SERGEF: variants seen among roughly 807,000 people sequenced by gnomAD.
SERGEF encodes secretion regulating guanine nucleotide exchange factor, also known as secretion-regulating guanine nucleotide exchange factor.
Under a neutral mutation model 50.0 loss-of-function variants are expected in SERGEF, and 51 were observed. The ratio of observed to expected loss-of-function variants is 1.02; its 90% CI spans 0.81 to 1.29. The LOEUF is 1.29. SERGEF is among the 50% of genes most tolerant of loss of function. The pLI, the probability that SERGEF is intolerant of heterozygous loss-of-function variation, is 0.00. For synonymous variants in SERGEF, 205 were observed against 212.4 expected (o/e 0.97, Z 0.30); for missense variants, 521 against 557.0 (o/e 0.94, Z 0.65).
At chr11:17,938,997 G>C (rs1390644684) in intron 9 of SERGEF, among the ~76,000 whole-genome samples, 1 of 152,188 alleles carries the variant, frequency 6.6e-6, no homozygotes, top group African/African-American at 2.4e-5. Context: ...TTATAGGATA[G>C]AGCATAATAA....
chr11:17,826,033 T>C (rs1013062374), intron 10 of SERGEF, among the ~76,000 whole-genome samples: 2 of 152,180 alleles, frequency 1.3e-5, no homozygotes, highest in Non-Finnish European at 2.9e-5. Context: ...ATGAAAATGG[T>C]GTCTACCTAT....
intron 9 of SERGEF, among the ~76,000 whole-genome samples, chr11:17,880,850 A>G (rs111335353): frequency 1.8e-4 from 27 of 152,294 alleles, no homozygotes; most frequent in African/African-American, 6.3e-4. Flanking sequence ...TTTTTCTACT[A>G]TTCTCTATTT....
In SERGEF at chr11:17,878,245, C is replaced by T. The variant is rs1162748380; in HGVS notation, c.1012-1G>A. ...AATTATGCTCTGAGCCACAAGAGACCTGTAAAAAAAAAAAAAGACAAAGAA... is the reference window on the plus strand; with the variant it reads ...AATTATGCTCTGAGCCACAAGAGACTTGTAAAAAAAAAAAAAGACAAAGAA... On this transcript the variant is annotated splice_acceptor_variant, in intron 9 of 10. Transcript: ENST00000265965. LOFTEE classifies it high-confidence loss of function. The T allele has an allele frequency of 6.4e-7, 1 of 1,553,516 alleles. No individual in the cohort carries two copies.
At chr11:18,001,065 C>G (rs1853949965) in intron 4 of SERGEF, among the ~76,000 whole-genome samples, 1 of 152,218 alleles carries the variant, frequency 6.6e-6, no homozygotes, top group Non-Finnish European at 1.5e-5. Flanking sequence ...TGCCAAACAC[C>G]TACCCCCAGT....
chr11:17,903,960 C>T (rs765244342), intron 9 of SERGEF, among the ~76,000 whole-genome samples: 7 of 152,224 alleles, frequency 4.6e-5, no homozygotes, highest in Non-Finnish European at 7.3e-5. Context: ...TCACCTTGGC[C>T]GTGTAGGCCT....
chr11:17,938,057 C>G (rs1189794848), intron 9 of SERGEF, among the ~76,000 whole-genome samples: 1 of 152,202 alleles, frequency 6.6e-6, no homozygotes, highest in African/African-American at 2.4e-5. Context: ...CCATTACCAG[C>G]TTCTAACACC....
At chr11:17,885,353 G>T (rs1242193814) in intron 9 of SERGEF, among the ~76,000 whole-genome samples, 1 of 152,120 alleles carries the variant, frequency 6.6e-6, no homozygotes, top group African/African-American at 2.4e-5. Flanking sequence ...ACAGGGTCTT[G>T]CTCTATTGCC....
chr11:17,983,350 A>G (rs1590232766), intron 8 of SERGEF, among the ~76,000 whole-genome samples: 1 of 152,348 alleles, frequency 6.6e-6, no homozygotes, highest in East Asian at 1.9e-4. Context: ...TTCTGAATCA[A>G]CTTGTCACCC....
chr11:17,951,609 T>C (rs78828024), intron 9 of SERGEF, among the ~76,000 whole-genome samples: 2,742 of 152,264 alleles, frequency 0.018, 81 homozygotes, highest in African/African-American at 0.062. Flanking sequence ...AAGTCTCCAT[T>C]AGACCTGACT....
chr11:17,965,845 G>C (rs1853110217), intron 8 of SERGEF, among the ~76,000 whole-genome samples: 3 of 152,182 alleles, frequency 2.0e-5, no homozygotes, highest in South Asian at 2.1e-4. Context: ...CCATAATCTT[G>C]AGCAAACTAC....
At chr11:17,985,927 T>C (rs1375106517) in intron 8 of SERGEF, among the ~76,000 whole-genome samples, 2 of 152,212 alleles carry the variant, frequency 1.3e-5, no homozygotes, top group African/African-American at 2.4e-5. Context: ...CCTTGCATTG[T>C]AGGATGTTCA....
intron 9 of SERGEF, among the ~76,000 whole-genome samples, chr11:17,925,443 A>G (rs1375991285): frequency 6.6e-6 from 1 of 152,206 alleles, no homozygotes; most frequent in Non-Finnish European, 1.5e-5. Context: ...GAGAAGAAGA[A>G]AAGAAGGGTG....
chr11:17,911,845 T>TCC (rs1851960308), intron 9 of SERGEF, among the ~76,000 whole-genome samples: 1 of 152,068 alleles, frequency 6.6e-6, no homozygotes, highest in Admixed American at 6.6e-5. Flanking sequence ...CACCAAAAAG[T>TCC]CCCCTCGTAC....
intron 8 of SERGEF, among the ~76,000 whole-genome samples, chr11:17,963,060 T>C (rs976107067): frequency 2.0e-5 from 3 of 151,164 alleles, no homozygotes; most frequent in African/African-American, 7.3e-5. Context: ...CCCACGACCG[T>C]AGTCCCAGCT....
intron 9 of SERGEF, among the ~76,000 whole-genome samples, chr11:17,949,141 C>T (rs2133962558): frequency 6.6e-6 from 1 of 152,132 alleles, no homozygotes; most frequent in East Asian, 1.9e-4. Flanking sequence ...TTTTGCTTCC[C>T]TGAAAGTGAC....
intron 8 of SERGEF, among the ~76,000 whole-genome samples, chr11:17,985,107 G>A (rs1853567082): frequency 6.6e-6 from 1 of 152,176 alleles, no homozygotes. Flanking sequence ...GTTTGATATT[G>A]AGTATGGCAT....
intron 9 of SERGEF, among the ~76,000 whole-genome samples, chr11:17,929,028 T>C (rs921161853): frequency 1.3e-5 from 2 of 152,246 alleles, no homozygotes; most frequent in African/African-American, 2.4e-5. Context: ...TATAGAATTC[T>C]ATTTCTCTAT....
intron 5 of SERGEF, among the ~76,000 whole-genome samples, chr11:17,997,669 T>G (rs1853866243): frequency 6.6e-6 from 1 of 152,164 alleles, no homozygotes; most frequent in East Asian, 1.9e-4. Context: ...ACGTGATATA[T>G]CCATACAATG....
chr11:17,789,012 T>A (rs921944171), intron 10 of SERGEF, among the ~76,000 whole-genome samples: 1 of 152,226 alleles, frequency 6.6e-6, no homozygotes, highest in Non-Finnish European at 1.5e-5. Flanking sequence ...GGCTCCTAAC[T>A]ATCTTGGTGT....
Sources: gnomAD v4.1 joint callset for allele counts (sites outside exome capture counted in the v4.1 genomes callset) on GRCh38, gnomAD v4.1.1 for gene constraint, MANE v1.5 for transcripts, NCBI Gene and HGNC (gene_info 2026-07-23, HGNC 2026-07-21) for gene names.